The following RPS6KC1 variants were observed in gnomAD, a reference collection of about 807,000 sequenced individuals.
RPS6KC1 encodes the protein inactive ribosomal protein S6 kinase delta-1.
Under a neutral mutation model 103.8 loss-of-function variants are expected in RPS6KC1, and 54 were observed. The ratio of observed to expected loss-of-function variants is 0.52; its 90% CI spans 0.42 to 0.65. The LOEUF is 0.65. Ranked by LOEUF, RPS6KC1 falls within the 30% of genes least tolerant of loss-of-function variation. The pLI is 0.00. For missense variants in RPS6KC1, 1,151 were observed against 1,253.8 expected (o/e 0.92, Z 1.24); for synonymous variants, 439 against 438.7 (o/e 1.00, Z -0.01).
At chr1:213,648,791 C>A in the RPS6KC1 span, among the ~76,000 whole-genome samples, 26 of 152,266 alleles carry the variant, frequency 1.7e-4, no homozygotes, top group African/African-American at 5.3e-4. Context: ...TCCTGGGCAT[C>A]CTCAGTGTCT....
chr1:213,745,482 C>G, the RPS6KC1 span, among the ~76,000 whole-genome samples: 1 of 151,764 alleles, frequency 6.6e-6, no homozygotes. Context: ...CCTGGAGTCC[C>G]AACTCAGCTG....
chr1:213,151,363 C>G (rs1317358272), intron 6 of RPS6KC1, among the ~76,000 whole-genome samples: 1 of 134,162 alleles, frequency 7.5e-6, no homozygotes, highest in South Asian at 2.4e-4. Flanking sequence ...CCCCACCTCC[C>G]TCCCGGACGG....
At chr1:213,100,302 G>A (rs529082034) in intron 3 of RPS6KC1, among the ~76,000 whole-genome samples, 1 of 151,784 alleles carries the variant, frequency 6.6e-6, no homozygotes, top group Admixed American at 6.6e-5. Flanking sequence ...CTATTTTGTG[G>A]GGCTGGAGTT....
At chr1:213,396,248 T>C in the RPS6KC1 span, among the ~76,000 whole-genome samples, 9 of 152,144 alleles carry the variant, frequency 5.9e-5, no homozygotes, top group African/African-American at 2.2e-4. Flanking sequence ...CAATCTACCC[T>C]TTAGTGATGT....
the RPS6KC1 span, among the ~76,000 whole-genome samples, chr1:213,596,590 G>A: frequency 6.6e-6 from 1 of 152,240 alleles, no homozygotes; most frequent in Admixed American, 6.5e-5. Context: ...CTGCTGCGCA[G>A]TAAGTGGGCT....
the RPS6KC1 span, among the ~76,000 whole-genome samples, chr1:213,329,515 T>G: frequency 1.3e-5 from 2 of 151,874 alleles, no homozygotes; most frequent in Non-Finnish European, 1.5e-5. Context: ...GCAGGCAGAA[T>G]GGACACCACC....
At chr1:213,679,914 G>C in the RPS6KC1 span, among the ~76,000 whole-genome samples, 1 of 152,102 alleles carries the variant, frequency 6.6e-6, no homozygotes, top group Non-Finnish European at 1.5e-5. Flanking sequence ...CCTCTATTTA[G>C]GAAAACTTGG....
intron 8 of RPS6KC1, among the ~76,000 whole-genome samples, chr1:213,198,652 C>T (rs2093042009): frequency 6.6e-6 from 1 of 152,158 alleles, no homozygotes; most frequent in Non-Finnish European, 1.5e-5. Flanking sequence ...GAAGAATAGA[C>T]TACTGAGTAA....
At chr1:213,114,267 G>A (rs1228949808) in intron 4 of RPS6KC1, among the ~76,000 whole-genome samples, 2 of 148,822 alleles carry the variant, frequency 1.3e-5, no homozygotes, top group African/African-American at 5.0e-5. Context: ...CCTTGAAGAG[G>A]TCCTTCACAT....
the RPS6KC1 span, among the ~76,000 whole-genome samples, chr1:213,726,199 G>A: frequency 2.0e-5 from 3 of 152,232 alleles, no homozygotes; most frequent in Admixed American, 2.0e-4. Flanking sequence ...GATCTTCTCA[G>A]CCTCAGCCTG....
Position 213,274,733 on chromosome 1 carries a change from G to T in RPS6KC1, c.*2099G>T, listed in dbSNP as rs1212993964. The T allele has an allele frequency of 6.6e-6, 1 of 151,904 alleles. No homozygotes were observed. Among genetic ancestry groups the T allele is most frequent in the African/African-American group, 2.4e-5 (1 of 41,334 alleles). 9.4% of individuals were successfully genotyped at this position (151,904 alleles called of 1,614,324 possible). A position where few individuals can be genotyped will look rare whatever the true frequency, so the allele number is the denominator to read the frequency against. On this transcript the variant is annotated 3_prime_UTR_variant, in exon 15 of 15. Transcript: ENST00000366960. Reference sequence around the variant, plus strand: ...TTATATTTTGTTTGTTTAAGCAGAAGAGTGGAATATGGGGTCAAAATCATA... The same window carrying T: ...TTATATTTTGTTTGTTTAAGCAGAATAGTGGAATATGGGGTCAAAATCATA...
the RPS6KC1 span, among the ~76,000 whole-genome samples, chr1:213,739,687 C>T: frequency 3.3e-3 from 499 of 152,262 alleles, 1 homozygote; most frequent in African/African-American, 0.012. Context: ...ACACTTCTTA[C>T]TCAGAAGCAC....
At chr1:213,272,500 C>T (rs752636872) in intron 14 of RPS6KC1, 24 bp from the exon 15 acceptor site, 2 of 1,563,872 alleles carry the variant, frequency 1.3e-6, no homozygotes, top group East Asian at 2.2e-5. Context: ...ATTCCTGTTA[C>T]TCACTAAGTC....
intron 4 of RPS6KC1, among the ~76,000 whole-genome samples, chr1:213,114,181 C>T (rs2083326149): frequency 6.6e-6 from 1 of 152,084 alleles, no homozygotes; most frequent in Non-Finnish European, 1.5e-5. Context: ...ATGGATTCTT[C>T]CTACCCATGA....
At chr1:213,837,904 A>G in the RPS6KC1 span, among the ~76,000 whole-genome samples, 1 of 152,148 alleles carries the variant, frequency 6.6e-6, no homozygotes, top group East Asian at 1.9e-4. Flanking sequence ...TCCAGAAAAT[A>G]TCATATCCTA....
chr1:213,506,697 A>T, the RPS6KC1 span, among the ~76,000 whole-genome samples: 1 of 152,382 alleles, frequency 6.6e-6, no homozygotes, highest in African/African-American at 2.4e-5. Flanking sequence ...ATATCAATGT[A>T]TCAATGTCTG....
intron 8 of RPS6KC1, among the ~76,000 whole-genome samples, chr1:213,206,894 C>T (rs1008970385): frequency 4.6e-5 from 7 of 152,078 alleles, no homozygotes; most frequent in South Asian, 2.1e-4. Context: ...GGGCGGATCA[C>T]GAGGTCAGGA....
At chr1:213,120,788 A>T (rs183638577) in intron 5 of RPS6KC1, among the ~76,000 whole-genome samples, 1 of 152,144 alleles carries the variant, frequency 6.6e-6, no homozygotes, top group Non-Finnish European at 1.5e-5. Flanking sequence ...TGCTGTTTCA[A>T]TGTTCTTTAG....
At chr1:213,588,951 A>G in the RPS6KC1 span, among the ~76,000 whole-genome samples, 1 of 152,212 alleles carries the variant, frequency 6.6e-6, no homozygotes, top group African/African-American at 2.4e-5. Context: ...TCAGAGGCAG[A>G]CAGTGTTCTT....
Sources: gnomAD v4.1 joint callset for allele counts (sites outside exome capture counted in the v4.1 genomes callset) on GRCh38, gnomAD v4.1.1 for gene constraint, MANE v1.5 for transcripts, NCBI Gene and HGNC (gene_info 2026-07-23, HGNC 2026-07-21) for gene names.